The following STXBP5 variants were observed in gnomAD, a reference collection of about 807,000 sequenced individuals.
STXBP5 encodes syntaxin binding protein 5, also known as syntaxin-binding protein 5.
In STXBP5, 50 loss-of-function variants were observed where a neutral mutation model predicts 152.4. The ratio of observed to expected loss-of-function variants is 0.33; its 90% CI spans 0.26 to 0.42. The LOEUF (loss-of-function observed/expected upper bound fraction) is 0.42. STXBP5 is among the 10% of genes least tolerant of loss of function. The pLI, the probability that STXBP5 is intolerant of heterozygous loss-of-function variation, is 1.00. For missense variants in STXBP5, 1,167 were observed against 1,388.6 expected (o/e 0.84, Z 2.54); for synonymous variants, 492 against 494.7 (o/e 0.99, Z 0.07).
intron 12 of STXBP5, 90 bp downstream of exon 12, chr6:147,314,121 T>C (rs1782517756): frequency 6.7e-7 from 1 of 1,493,618 alleles, no homozygotes; most frequent in African/African-American, 1.4e-5. Context: ...TTATACCTTT[T>C]CTATGGAAAA....
At chr6:147,327,443 T>C (rs1783322919) in intron 18 of STXBP5, among the ~76,000 whole-genome samples, 167 bp downstream of exon 18, 1 of 152,188 alleles carries the variant, frequency 6.6e-6, no homozygotes, top group Non-Finnish European at 1.5e-5. Flanking sequence ...TTGTTTTCTA[T>C]AGTTGTGGTT....
intron 6 of STXBP5, among the ~76,000 whole-genome samples, chr6:147,264,622 A>G (rs1321136128): frequency 6.6e-6 from 1 of 152,124 alleles, no homozygotes; most frequent in Non-Finnish European, 1.5e-5. Context: ...CCACATACAC[A>G]CTAATGCTTT....
chr6:147,290,827 T>C (rs1781241591), intron 8 of STXBP5, among the ~76,000 whole-genome samples: 2 of 152,338 alleles, frequency 1.3e-5, no homozygotes, highest in Non-Finnish European at 1.5e-5. Flanking sequence ...TTGGAAAAAC[T>C]ATCAGTTTCT....
intron 10 of STXBP5, 103 bp downstream of exon 10, chr6:147,310,341 A>C (rs377098075): frequency 1.1e-6 from 1 of 931,154 alleles, no homozygotes; most frequent in African/African-American, 1.7e-5. Context: ...CTATTGTGCT[A>C]ATTCTTCTGG....
intron 2 of STXBP5, among the ~76,000 whole-genome samples, chr6:147,214,331 A>G (rs1490969999): frequency 6.6e-6 from 1 of 152,000 alleles, no homozygotes; most frequent in Non-Finnish European, 1.5e-5. Context: ...TTTTCCTCAT[A>G]TTTACTTTTA....
chr6:147,281,483 G>GA (rs1780698935), intron 8 of STXBP5, among the ~76,000 whole-genome samples: 1 of 152,190 alleles, frequency 6.6e-6, no homozygotes, highest in Non-Finnish European at 1.5e-5. Context: ...TGTTTCGATG[G>GA]ATTGAAATTT....
chr6:147,351,762 C>G, intron 21 of STXBP5: 2 of 691,316 alleles, frequency 2.9e-6, no homozygotes, highest in Non-Finnish European at 3.6e-6. Flanking sequence ...ATTTGATGTC[C>G]CTTCCAACCC....
intron 7 of STXBP5, among the ~76,000 whole-genome samples, chr6:147,273,788 A>G (rs1780299327): frequency 2.0e-5 from 3 of 152,014 alleles, no homozygotes; most frequent in South Asian, 2.1e-4. Flanking sequence ...CATCTCTACT[A>G]AAAATACAAA....
At chr6:147,358,745 A>G (rs1286117584) in intron 22 of STXBP5, among the ~76,000 whole-genome samples, 3 of 150,760 alleles carry the variant, frequency 2.0e-5, no homozygotes, top group Non-Finnish European at 4.4e-5. Context: ...TATTAAGAAA[A>G]TCATAAGGAA....
At chr6:147,334,319 A>G in intron 19 of STXBP5, 97 bp downstream of exon 19, 1 of 1,095,732 alleles carries the variant, frequency 9.1e-7, no homozygotes, top group Non-Finnish European at 1.3e-6. Context: ...TTTAAAATAC[A>G]TCTACGAAAA....
intron 26 of STXBP5, among the ~76,000 whole-genome samples, chr6:147,377,202 ATCC>A (rs1322538760): frequency 1.3e-5 from 2 of 152,174 alleles, no homozygotes; most frequent in Non-Finnish European, 2.9e-5. Flanking sequence ...ATAAGTTTAA[ATCC>A]TCATGTTTGA....
At chr6:147,300,050 A>G (rs1781728442) in intron 9 of STXBP5, among the ~76,000 whole-genome samples, 1 of 152,030 alleles carries the variant, frequency 6.6e-6, no homozygotes, top group South Asian at 2.1e-4. Context: ...TCAAGAAGAC[A>G]ATCTCATTTA....
chr6:147,243,860 T>G (rs184146373), intron 4 of STXBP5, among the ~76,000 whole-genome samples: 1 of 152,264 alleles, frequency 6.6e-6, no homozygotes, highest in East Asian at 1.9e-4. Context: ...AAAGATTATC[T>G]GTTTCCCATT....
intron 25 of STXBP5, among the ~76,000 whole-genome samples, chr6:147,373,363 C>CAAA (rs11341887): frequency 5.0e-4 from 34 of 67,692 alleles, no homozygotes; most frequent in African/African-American, 8.9e-4. Context: ...GAGACTGTCT[C>CAAA]AAAAAAAAAA....
intron 4 of STXBP5, among the ~76,000 whole-genome samples, chr6:147,242,247 T>G (rs2115225115): frequency 6.6e-6 from 1 of 151,802 alleles, no homozygotes; most frequent in South Asian, 2.1e-4. Context: ...AATAAGGATA[T>G]AAAGAAAAAA....
At chr6:147,236,838 G>A (rs1027037420) in intron 3 of STXBP5, among the ~76,000 whole-genome samples, 13 of 151,000 alleles carry the variant, frequency 8.6e-5, no homozygotes, top group Non-Finnish European at 2.9e-5. Context: ...GCATGCAATG[G>A]CGTGGTCTTG....
At chr6:147,293,483 T>C (rs62435619) in intron 9 of STXBP5, 54 of 152,262 alleles carry the variant, frequency 3.5e-4, no homozygotes, top group Admixed American at 9.2e-4. Flanking sequence ...AGAATCAGCC[T>C]CTATTCATTA....
chr6:147,280,308 CAGG>C (rs1276325454), intron 8 of STXBP5, among the ~76,000 whole-genome samples: 1 of 152,044 alleles, frequency 6.6e-6, no homozygotes, highest in Non-Finnish European at 1.5e-5. Context: ...ACGTTTTTGG[CAGG>C]AGTATCCCAA....
intron 12 of STXBP5, 52 bp from the exon 13 acceptor site, chr6:147,314,212 G>C: frequency 7.2e-7 from 1 of 1,382,222 alleles, no homozygotes; most frequent in African/African-American, 1.5e-5. Context: ...CACACACACG[G>C]AGGTATGTAG....
Sources: allele counts gnomAD v4.1 joint callset (sites outside exome capture counted in the v4.1 genomes callset), GRCh38; gene constraint gnomAD v4.1.1; transcripts MANE v1.5; gene names NCBI Gene and HGNC (gene_info 2026-07-23, HGNC 2026-07-21).